Variants in HIF1A observed in about 807,000 individuals in gnomAD.
The protein encoded by HIF1A is hypoxia inducible factor 1 subunit alpha.
A neutral mutation model predicts 92.7 loss-of-function variants in HIF1A; 24 were observed. That is an observed-to-expected ratio of 0.26 (90% CI 0.19 to 0.36). The LOEUF is 0.36. Among genes scored for constraint, HIF1A ranks in the 10% least tolerant of loss-of-function variants. The pLI is 1.00. For missense variants in HIF1A, 799 were observed against 998.5 expected (o/e 0.80, Z 2.69); for synonymous variants, 319 against 338.7 (o/e 0.94, Z 0.64).
intron 1 of HIF1A, among the ~76,000 whole-genome samples, chr14:61,712,102 C>T (rs1007844296): frequency 2.0e-5 from 3 of 152,120 alleles, no homozygotes; most frequent in African/African-American, 7.2e-5. Context: ...CTTAGGCTTT[C>T]ATAAAAATAC....
chr14:61,700,132 T>C (rs755798604), intron 1 of HIF1A, among the ~76,000 whole-genome samples: 5 of 152,188 alleles, frequency 3.3e-5, no homozygotes, highest in Non-Finnish European at 7.4e-5. Context: ...TTTTTTCTTA[T>C]AGCTTTTGAT....
intron 5 of HIF1A, 67 bp from the exon 6 acceptor site, chr14:61,727,383 ACTT>A: frequency 8.8e-7 from 1 of 1,138,340 alleles, no homozygotes; most frequent in Non-Finnish European, 1.3e-6. Flanking sequence ...AGACTCAACT[ACTT>A]ATCTCTGCTT....
At chr14:61,744,600 C>T in intron 12 of HIF1A, 105 bp from the exon 13 acceptor site, 2 of 523,602 alleles carry the variant, frequency 3.8e-6, no homozygotes, top group Non-Finnish European at 6.9e-6. Context: ...ATATTATATT[C>T]CTTAATATTG....
At position 61,732,442 on chromosome 14, in the gene HIF1A, G is replaced by C; in HGVS notation, c.798G>C (p.Glu266Asp). ...DERITELMGY[E>D]PEELLGRSIY... is the part of the protein sequence containing the mutation. ...GAATTACCGAATTGATGGGATATGA[G>C]CCAGAAGAACTTTTAGGCCGCTCAA... Residue 266 changes from glutamate to aspartate, a missense_variant, in exon 7 of 15, where the codon GAG (glutamate) becomes GAC (aspartate). Physicochemically the swap from Glu to Asp is conservative, Grantham distance 45. This residue lies in a region of HIF1A where 516 missense variants were observed against 721.0 expected (regional missense o/e 0.72). Transcript: ENST00000337138. 6.2e-7 allele frequency: 1 copy of C among 1,609,256 alleles called. No individual in the cohort carries two copies. Among genetic ancestry groups the C allele is most frequent in the Non-Finnish European group, 8.5e-7 (1 of 1,176,048 alleles).
At chr14:61,701,875 C>A (rs1010423514) in intron 1 of HIF1A, among the ~76,000 whole-genome samples, 2 of 152,046 alleles carry the variant, frequency 1.3e-5, no homozygotes, top group Non-Finnish European at 2.9e-5. Context: ...GTAATCCCAG[C>A]TACTTAGGAG....
chr14:61,724,006 A>G (rs1165329730), intron 4 of HIF1A, among the ~76,000 whole-genome samples: 2 of 152,106 alleles, frequency 1.3e-5, no homozygotes, highest in Non-Finnish European at 2.9e-5. Context: ...AAATAGTCCT[A>G]TTTTCCAAAT....
chr14:61,735,983 TTC>T (rs1374063699), intron 8 of HIF1A, among the ~76,000 whole-genome samples: 4 of 27,856 alleles, frequency 1.4e-4, no homozygotes, highest in African/African-American at 2.6e-4. Flanking sequence ...ATATCTGAAA[TTC>T]TTTTTTTCTT....
intron 1 of HIF1A, among the ~76,000 whole-genome samples, chr14:61,697,048 A>G (rs1264523474): frequency 1.3e-5 from 2 of 152,218 alleles, no homozygotes; most frequent in Admixed American, 6.5e-5. Context: ...GATTTAGAGT[A>G]AGAGTTTTGG....
rs1346184701 is a variant in HIF1A at position 61,744,776 on chromosome 14, T to G, written c.2165T>G (p.Met722Arg). The change falls in exon 13 of 15, where the codon ATG (methionine) becomes AGG (arginine). Residue 722 changes from methionine (M) to arginine (R), a missense_variant. This residue lies in a region of HIF1A where 283 missense variants were observed against 277.5 expected (regional missense o/e 1.02). Coordinates refer to ENST00000337138, the MANE Select transcript of HIF1A (RefSeq NM_001530.4). ...CAGAATGCTCAGAGAAAGCGAAAAA[T>G]GGAACATGATGGTTCACTTTTTCAA... ...ALQNAQRKRKMEHDGSLFQAV... is the reference protein window; with the variant it reads ...ALQNAQRKRKREHDGSLFQAV... The G allele has an allele frequency of 6.3e-7, 1 of 1,594,688 alleles. No homozygotes were observed. Among genetic ancestry groups the G allele is most frequent in the South Asian group, 1.1e-5 (1 of 89,874 alleles).
chr14:61,714,357 T>C (rs142099235), intron 1 of HIF1A, among the ~76,000 whole-genome samples: 305 of 152,366 alleles, frequency 2.0e-3, no homozygotes, highest in African/African-American at 7.0e-3. Flanking sequence ...GATGGTGTTA[T>C]ACTTTTTGTT....
chr14:61,727,393 G>C (rs895802195), intron 5 of HIF1A, 60 bp from the exon 6 acceptor site: 2 of 1,273,418 alleles, frequency 1.6e-6, no homozygotes, highest in African/African-American at 1.5e-5. Flanking sequence ...ACTTATCTCT[G>C]CTTTTTTTTT....
intron 6 of HIF1A, among the ~76,000 whole-genome samples, chr14:61,730,844 A>G (rs2044568039): frequency 6.6e-6 from 1 of 152,154 alleles, no homozygotes; most frequent in Non-Finnish European, 1.5e-5. Context: ...TTCCATGGGG[A>G]TTTTATTTAA....
At chr14:61,743,167 G>A (rs754039740) in intron 12 of HIF1A, among the ~76,000 whole-genome samples, 2 of 152,094 alleles carry the variant, frequency 1.3e-5, no homozygotes. Flanking sequence ...CGCCTCGCTG[G>A]TTCAAGCAAA....
At chr14:61,730,025 A>G (rs1394897506) in intron 6 of HIF1A, among the ~76,000 whole-genome samples, 6 of 152,172 alleles carry the variant, frequency 3.9e-5, no homozygotes, top group Non-Finnish European at 8.8e-5. Flanking sequence ...AATAGCTGCT[A>G]TTTACTATAC....
rs1436031645 is a variant in HIF1A at position 61,748,057 on chromosome 14, T to C, written c.*972T>C. The C allele has an allele frequency of 6.6e-6, 1 of 152,608 alleles. No homozygotes were observed. The highest frequency in any genetic ancestry group is 1.5e-5 in the Non-Finnish European group (1 of 67,974). The allele number at this position is 152,608 out of a possible 1,614,324, so 9.5% of individuals were successfully genotyped here. A position where few individuals can be genotyped will look rare whatever the true frequency, so the allele number is the denominator to read the frequency against. The stretch of plus-strand genomic sequence containing the variant: ...TTTGATTTTATGCACTTTGTCGCTA[T>C]TAACATCCTTTTTTTCATGTAGATT... On this transcript the variant is annotated 3_prime_UTR_variant, in exon 15 of 15. Transcript: ENST00000337138.
intron 1 of HIF1A, among the ~76,000 whole-genome samples, chr14:61,707,886 A>C (rs892017676): frequency 6.6e-6 from 1 of 151,952 alleles, no homozygotes; most frequent in Non-Finnish European, 1.5e-5. Context: ...CGCCACACTG[A>C]CTTCCACAAT....
chr14:61,728,210 A>G (rs542025724), intron 6 of HIF1A, among the ~76,000 whole-genome samples: 34 of 152,178 alleles, frequency 2.2e-4, no homozygotes, highest in African/African-American at 7.7e-4. Flanking sequence ...TTTTTCCCCA[A>G]TAGGGGCTCT....
At chr14:61,701,372 A>G (rs973628642) in intron 1 of HIF1A, among the ~76,000 whole-genome samples, 5 of 152,154 alleles carry the variant, frequency 3.3e-5, no homozygotes, top group African/African-American at 9.7e-5. Context: ...AAAAGTCACA[A>G]TATATTTAGG....
At chr14:61,738,737 AGTTT>A (rs745359926) in intron 10 of HIF1A, among the ~76,000 whole-genome samples, 1 of 151,994 alleles carries the variant, frequency 6.6e-6, no homozygotes, top group Non-Finnish European at 1.5e-5. Flanking sequence ...TACCCCTTTT[AGTTT>A]GTTTTATTGT....
Sources: allele counts gnomAD v4.1 joint callset (sites outside exome capture counted in the v4.1 genomes callset), GRCh38; gene constraint gnomAD v4.1.1; regional missense constraint gnomAD v4.1.1; transcripts MANE v1.5; gene names NCBI Gene and HGNC (gene_info 2026-07-23, HGNC 2026-07-21).